The following LIMS1 variants were observed in gnomAD, a reference collection of about 807,000 sequenced individuals.
LIMS1 encodes LIM zinc finger domain containing 1.
Under a neutral mutation model 44.1 loss-of-function variants are expected in LIMS1, and 18 were observed. The ratio of observed to expected loss-of-function variants is 0.41; its 90% CI spans 0.28 to 0.61. The LOEUF (loss-of-function observed/expected upper bound fraction) is 0.61. LIMS1 is among the 20% of genes least tolerant of loss of function. The pLI is 0.32. For synonymous variants in LIMS1, 93 were observed against 149.1 expected (o/e 0.62, Z 2.74); for missense variants, 201 against 422.0 (o/e 0.48, Z 4.59).
chr2:108,551,300 TATAA>T (rs1303042011), intron 1 of LIMS1, among the ~76,000 whole-genome samples: 6 of 147,464 alleles, frequency 4.1e-5, no homozygotes, highest in Admixed American at 3.4e-4. Context: ...ACTATATATA[TATAA>T]ATATATATTT....
intron 1 of LIMS1, chr2:108,655,012 G>T: frequency 6.2e-7 from 1 of 1,609,928 alleles, no homozygotes; most frequent in Non-Finnish European, 8.5e-7. Context: ...CCTGGATATT[G>T]TTTCTCCTGG....
intron 1 of LIMS1, among the ~76,000 whole-genome samples, chr2:108,543,677 GTTATAGA>G (rs1296420907): frequency 6.6e-6 from 1 of 152,158 alleles, no homozygotes; most frequent in Non-Finnish European, 1.5e-5. Context: ...TCAGACCTTA[GTTATAGA>G]TTAAAAGAAG....
At chr2:108,599,730 G>A (rs1405685968) in intron 1 of LIMS1, among the ~76,000 whole-genome samples, 2 of 152,094 alleles carry the variant, frequency 1.3e-5, no homozygotes, top group South Asian at 2.1e-4. Flanking sequence ...TAACTGGGGC[G>A]AGATGAGATC....
chr2:108,561,373 C>T (rs1403871638), intron 1 of LIMS1, among the ~76,000 whole-genome samples: 1 of 152,102 alleles, frequency 6.6e-6, no homozygotes, highest in Non-Finnish European at 1.5e-5. Flanking sequence ...GCCCATCTGA[C>T]AGATAAGAAA....
intron 9 of LIMS1, 88 bp from the exon 10 acceptor site, chr2:108,683,797 G>A (rs1378297635): frequency 1.6e-6 from 1 of 638,568 alleles, no homozygotes; most frequent in Non-Finnish European, 2.6e-6. Flanking sequence ...CCTTCGTTTA[G>A]TTCAGTACAA....
intron 8 of LIMS1, chr2:108,678,398 C>T (rs1432101783): frequency 3.3e-6 from 1 of 301,096 alleles, no homozygotes; most frequent in Non-Finnish European, 6.2e-6. Flanking sequence ...CCTGCACATG[C>T]TAAAAGCTGG....
intron 1 of LIMS1, among the ~76,000 whole-genome samples, chr2:108,603,078 G>A (rs981962772): frequency 1.3e-5 from 2 of 152,078 alleles, no homozygotes; most frequent in Admixed American, 6.5e-5. Context: ...CGAGCCACTC[G>A]CCTGACCAGG....
At chr2:108,539,071 G>C (rs1313201286) in intron 1 of LIMS1, among the ~76,000 whole-genome samples, 1 of 152,130 alleles carries the variant, frequency 6.6e-6, no homozygotes, top group Admixed American at 6.6e-5. Context: ...GAACATCTCT[G>C]CCAGAGTGTT....
chr2:108,568,988 T>G (rs1685389744), intron 1 of LIMS1, among the ~76,000 whole-genome samples: 2 of 152,070 alleles, frequency 1.3e-5, no homozygotes, highest in South Asian at 4.1e-4. Context: ...GCCTCCCAGG[T>G]TCCAGCGATT....
rs1407641746 is a variant in LIMS1, at chr2:108,602,134, AC to A, written c.33-57470del. 9.9e-5 allele frequency among the ~76,000 whole-genome samples: 15 copies of A among 152,120 alleles called. No homozygotes were observed. In the East Asian group the frequency reaches 2.9e-3, roughly 29 times the overall value. On this transcript the variant is annotated intron_variant, in intron 1 of 9. Coordinates refer to ENST00000544547, the Ensembl canonical transcript of LIMS1. ...CTATTGGCATATAGAAATGGTACTG[AC>A]TTTTGTATGTTGATTTTGTGTACTC...
At chr2:108,594,574 C>G (rs1025293869) in intron 1 of LIMS1, among the ~76,000 whole-genome samples, 3 of 151,896 alleles carry the variant, frequency 2.0e-5, no homozygotes, top group African/African-American at 7.3e-5. Flanking sequence ...ATTCAATAAG[C>G]AGGGCTTATT....
intron 2 of LIMS1, chr2:108,662,847 C>T: frequency 1.4e-6 from 1 of 729,380 alleles, no homozygotes; most frequent in Non-Finnish European, 1.7e-6. Flanking sequence ...CAACTTCCTT[C>T]CCTGATTTCC....
intron 1 of LIMS1, among the ~76,000 whole-genome samples, chr2:108,642,243 T>C (rs1022144105): frequency 2.0e-5 from 3 of 152,176 alleles, no homozygotes; most frequent in African/African-American, 7.2e-5. Context: ...GGTTAAAATG[T>C]CTAGTTTGGC....
At chr2:108,658,812 A>G (rs1269800702) in intron 1 of LIMS1, among the ~76,000 whole-genome samples, 1 of 152,308 alleles carries the variant, frequency 6.6e-6, no homozygotes, top group Non-Finnish European at 1.5e-5. Flanking sequence ...TATCCCTGTC[A>G]TGTCCTTTCA....
At chr2:108,631,718 G>A (rs114082971) in intron 1 of LIMS1, among the ~76,000 whole-genome samples, 248 of 152,216 alleles carry the variant, frequency 1.6e-3, no homozygotes, top group African/African-American at 5.4e-3. Context: ...TGATGCGTAC[G>A]GCATCCATGT....
chr2:108,676,064 C>T lies in LIMS1; in HGVS notation c.681+36C>T, dbSNP rs1404746162. 8.2e-6 allele frequency: 13 copies of T among 1,582,226 alleles called. No individual in the cohort carries two copies. The East Asian group carries it at 2.9e-4, about 36-fold the overall frequency. ...AATGGCAAAGGGTAACCAATCCTTT[C>T]AAATCTCCATGATTAAGGGGTAACC... On this transcript the variant is annotated intron_variant, in intron 6 of 9. Transcript: ENST00000544547.
intron 1 of LIMS1, among the ~76,000 whole-genome samples, chr2:108,612,057 T>C (rs6739593): frequency 0.033 from 3,326 of 101,512 alleles, 90 homozygotes; most frequent in South Asian, 0.048. Context: ...CACACACATA[T>C]ATATATATAT....
intron 1 of LIMS1, among the ~76,000 whole-genome samples, chr2:108,576,467 C>G (rs1024027559): frequency 6.6e-6 from 1 of 152,164 alleles, no homozygotes; most frequent in Admixed American, 6.5e-5. Context: ...GTGGCATGAT[C>G]TTGGCTCACT....
intron 1 of LIMS1, among the ~76,000 whole-genome samples, chr2:108,585,067 C>T (rs1317779285): frequency 6.9e-6 from 1 of 144,862 alleles, no homozygotes; most frequent in African/African-American, 2.6e-5. Flanking sequence ...AGGAAAATGA[C>T]TTGAACGTAG....
Sources: gnomAD v4.1 joint callset for allele counts (sites outside exome capture counted in the v4.1 genomes callset) on GRCh38, gnomAD v4.1.1 for gene constraint, MANE v1.5 for transcripts, NCBI Gene and HGNC (gene_info 2026-07-23, HGNC 2026-07-21) for gene names.